The following FGFR2 variants were observed in gnomAD, a reference collection of about 807,000 sequenced individuals.
The protein encoded by FGFR2 is fibroblast growth factor receptor 2.
FGFR2 carries 19 observed loss-of-function variants against 95.9 expected under a neutral mutation model. The ratio of observed to expected loss-of-function variants is 0.20; its 90% CI spans 0.14 to 0.29. The LOEUF (loss-of-function observed/expected upper bound fraction) is 0.29. Ranked by LOEUF, FGFR2 falls within the 10% of genes least tolerant of loss-of-function variation. The pLI, the probability that FGFR2 is intolerant of heterozygous loss-of-function variation, is 1.00. For missense variants in FGFR2, 707 were observed against 1,056.9 expected (o/e 0.67, Z 4.59); for synonymous variants, 392 against 393.3 (o/e 1.00, Z 0.04).
At chr10:121,509,999 G>A (rs1848843959) in intron 9 of FGFR2, among the ~76,000 whole-genome samples, 1 of 152,044 alleles carries the variant, frequency 6.6e-6, no homozygotes, top group Non-Finnish European at 1.5e-5. Context: ...AAGAACACGA[G>A]GCTGGCATTA....
chr10:121,577,629 C>G (rs1349454673), intron 2 of FGFR2, among the ~76,000 whole-genome samples: 1 of 152,142 alleles, frequency 6.6e-6, no homozygotes, highest in Non-Finnish European at 1.5e-5. Context: ...TTCTCCTTCC[C>G]TGCCACCCCT....
chr10:121,593,619 G>A (rs1033489359), intron 2 of FGFR2, 90 bp downstream of exon 2: 2 of 1,134,700 alleles, frequency 1.8e-6, no homozygotes, highest in Admixed American at 1.9e-5. Flanking sequence ...CATTTACAAT[G>A]CAAGGGTAGC....
chr10:121,573,045 A>G (rs1255510399), intron 2 of FGFR2, among the ~76,000 whole-genome samples: 1 of 152,244 alleles, frequency 6.6e-6, no homozygotes, highest in Non-Finnish European at 1.5e-5. Context: ...CAGTTGAAAC[A>G]GCAAAAGGGT....
intron 16 of FGFR2, among the ~76,000 whole-genome samples, chr10:121,484,402 C>T (rs1345907741): frequency 1.3e-5 from 2 of 152,030 alleles, no homozygotes; most frequent in Non-Finnish European, 2.9e-5. Flanking sequence ...TTTTGGGTTT[C>T]GACAGATCCT....
intron 6 of FGFR2, chr10:121,538,116 TG>T: frequency 1.8e-6 from 1 of 568,034 alleles, no homozygotes; most frequent in East Asian, 2.9e-5. Context: ...TTTCTTGTGA[TG>T]GAAGTGAAGG....
chr10:121,488,401 C>T (rs541613592), intron 13 of FGFR2, among the ~76,000 whole-genome samples: 43 of 151,966 alleles, frequency 2.8e-4, no homozygotes, highest in African/African-American at 9.4e-4. Context: ...ATTAGCCGAG[C>T]GTGGTGGTGT....
intron 6 of FGFR2, among the ~76,000 whole-genome samples, chr10:121,532,392 C>T (rs1427763013): frequency 6.6e-6 from 1 of 152,184 alleles, no homozygotes; most frequent in Non-Finnish European, 1.5e-5. Context: ...CATCCAGAAG[C>T]CACAGTGTGA....
intron 4 of FGFR2, among the ~76,000 whole-genome samples, chr10:121,555,348 G>C (rs1855984595): frequency 6.6e-6 from 1 of 150,520 alleles, no homozygotes; most frequent in African/African-American, 2.5e-5. Context: ...ACTCCAGCCT[G>C]GGCGACAAGA....
Position 121,478,811 on chromosome 10 carries a change from C to T in FGFR2, c.*1046G>A, listed in dbSNP as rs1245010063. On this transcript the variant is annotated 3_prime_UTR_variant, in exon 18 of 18. Transcript: ENST00000358487. ...TAATGTGCAACTCAGAAGCAGAAGG[C>T]CAGCTGCCAGAGAGAAGCACATTCT... is the stretch of plus-strand genomic sequence containing the variant. The T allele has an allele frequency of 8.6e-6, 2 of 233,450 alleles. No individual in the cohort carries two copies. The highest frequency in any genetic ancestry group is 6.0e-5 in the East Asian group (1 of 16,576). 14.5% of individuals were successfully genotyped at this position (233,450 alleles called of 1,614,324 possible).
At chr10:121,546,885 A>G (rs897782177) in intron 5 of FGFR2, among the ~76,000 whole-genome samples, 1 of 152,206 alleles carries the variant, frequency 6.6e-6, no homozygotes, top group Non-Finnish European at 1.5e-5. Flanking sequence ...TGCTTTCTGG[A>G]AAAATGTATC....
intron 9 of FGFR2, among the ~76,000 whole-genome samples, chr10:121,514,448 T>C (rs1004483413): frequency 6.6e-6 from 1 of 152,106 alleles, no homozygotes; most frequent in East Asian, 1.9e-4. Flanking sequence ...AAAGACCAAG[T>C]TGGTGGTTAA....
At chr10:121,508,380 G>A (rs748745543) in intron 9 of FGFR2, among the ~76,000 whole-genome samples, 8 of 152,176 alleles carry the variant, frequency 5.3e-5, no homozygotes, top group Non-Finnish European at 1.0e-4. Context: ...TGGACAGTAA[G>A]AGGGTCCTAA....
At chr10:121,567,764 G>A (rs543064755) in intron 2 of FGFR2, among the ~76,000 whole-genome samples, 3 of 152,326 alleles carry the variant, frequency 2.0e-5, no homozygotes, top group African/African-American at 4.8e-5. Context: ...ATTAGAACAC[G>A]GCCATGCCCA....
chr10:121,509,421 GTTT>G (rs199565234), intron 9 of FGFR2, among the ~76,000 whole-genome samples: 2 of 126,940 alleles, frequency 1.6e-5, no homozygotes, highest in Admixed American at 1.6e-4. Flanking sequence ...GTGAGGAAGT[GTTT>G]TTTTTTTTTC....
At chr10:121,536,665 G>C (rs1463427298) in intron 6 of FGFR2, among the ~76,000 whole-genome samples, 2 of 152,196 alleles carry the variant, frequency 1.3e-5, no homozygotes, top group Non-Finnish European at 2.9e-5. Flanking sequence ...AAGCTCAAAG[G>C]GGAGGTGGGG....
At chr10:121,562,312 ACT>A (rs1326929336) in intron 4 of FGFR2, among the ~76,000 whole-genome samples, 2 of 149,612 alleles carry the variant, frequency 1.3e-5, no homozygotes, top group Non-Finnish European at 3.0e-5. Context: ...ATGGAGTCTC[ACT>A]CTGTCACCCA....
At position 121,595,507 on chromosome 10, in the gene FGFR2, G is replaced by A. The variant is rs372513845; in HGVS notation, c.-150-1540C>T. Among the ~76,000 whole-genome samples, 4 of 152,122 alleles carry A rather than the reference G, an allele frequency of 2.6e-5. No homozygotes were observed. The East Asian group carries it at 5.8e-4, about 22-fold the overall frequency. ...GTGTGTGTGTGTACATGGTGTGTGC[G>A]TGCACGGTGTGTGCATGTGCTTTCA... is the stretch of plus-strand genomic sequence containing the variant. On this transcript the variant is annotated intron_variant, in intron 1 of 17. Coordinates refer to ENST00000358487, the MANE Select transcript of FGFR2 (RefSeq NM_000141.5).
intron 2 of FGFR2, among the ~76,000 whole-genome samples, chr10:121,575,729 C>G (rs2981580): frequency 0.98 from 148,945 of 151,910 alleles, 73,072 homozygotes; most frequent in East Asian, 1. Flanking sequence ...GGTGGTGCAC[C>G]CCTGTAATCC....
intron 5 of FGFR2, among the ~76,000 whole-genome samples, chr10:121,539,783 G>A (rs2912771): frequency 0.62 from 93,826 of 152,132 alleles, 31,613 homozygotes; most frequent in East Asian, 0.84. Flanking sequence ...GGTTAATCAC[G>A]TAAAAAACAA....
Sources: allele counts gnomAD v4.1 joint callset (sites outside exome capture counted in the v4.1 genomes callset), GRCh38; gene constraint gnomAD v4.1.1; transcripts MANE v1.5; gene names NCBI Gene and HGNC (gene_info 2026-07-23, HGNC 2026-07-21).